Variants in MAST2 observed in about 807,000 individuals in gnomAD.
MAST2 encodes the protein microtubule associated serine/threonine kinase 2, also known as microtubule-associated serine/threonine-protein kinase 2.
In MAST2, 70 loss-of-function variants were observed where a neutral mutation model predicts 147.4. The observed-to-expected ratio is 0.47, with a 90% CI of 0.39 to 0.58. The LOEUF is 0.58. MAST2 is among the 20% of genes least tolerant of loss of function. The probability of loss-of-function intolerance (pLI) is 0.00; values close to 1 mark genes in which losing one functional copy is unlikely to be tolerated. For missense variants in MAST2, 2,080 were observed against 2,302.3 expected (o/e 0.90, Z 1.98); for synonymous variants, 869 against 896.8 (o/e 0.97, Z 0.55).
intron 4 of MAST2, 101 bp downstream of exon 4, chr1:45,882,496 C>T: frequency 1.1e-6 from 1 of 914,074 alleles, no homozygotes. Flanking sequence ...GCTCAGTACA[C>T]AATTTCTTTC....
rs942823305 is a variant in MAST2 at position 46,028,645 on chromosome 1, T to A, written c.2053-123T>A. On this transcript the variant is annotated intron_variant, in intron 17 of 28. Transcript: ENST00000361297. ...GCTTCTGTTGATCTTGTTCATTAAC[T>A]AAGGTGGGCTGAGTCTTCATTCAGA... 3 of 955,456 alleles carry A rather than the reference T, an allele frequency of 3.1e-6. No homozygotes were observed. The African/African-American group carries it at 4.9e-5, about 16-fold the overall frequency. The allele number at this position is 955,456 out of a possible 1,614,324, so 59.2% of individuals were successfully genotyped here. A position where few individuals can be genotyped will look rare whatever the true frequency, so the allele number is the denominator to read the frequency against.
chr1:46,008,873 G>C (rs540000513), intron 9 of MAST2, among the ~76,000 whole-genome samples: 1 of 152,348 alleles, frequency 6.6e-6, no homozygotes, highest in South Asian at 2.1e-4. Flanking sequence ...GAGAGCAGTA[G>C]GAGTGGGAGA....
In MAST2 at chr1:45,998,638, C is replaced by T. The variant is rs57991520; in HGVS notation, c.668+839C>T. On this transcript the variant is annotated intron_variant, in intron 6 of 28. Transcript: ENST00000361297. ...TTAGAGTTAGTCCCTGGTATAAGAC[C>T]TCCAGGAAAATTATGGTTCCAGATT... is the stretch of plus-strand genomic sequence containing the variant. Among the ~76,000 whole-genome samples the T allele has an allele frequency of 6.7e-3, 1,013 of 152,008 alleles. 12 individuals carry two copies. Among genetic ancestry groups the T allele is most frequent in the African/African-American group, 0.024 (977 of 41,462 alleles).
intron 1 of MAST2, among the ~76,000 whole-genome samples, chr1:45,805,032 A>G (rs1644097871): frequency 6.7e-6 from 1 of 149,564 alleles, no homozygotes; most frequent in Non-Finnish European, 1.5e-5. Context: ...CTCTCAGATA[A>G]ATTAGCATTT....
chr1:45,948,389 G>A (rs1263942022), intron 4 of MAST2, among the ~76,000 whole-genome samples: 2 of 152,066 alleles, frequency 1.3e-5, no homozygotes, highest in African/African-American at 4.8e-5. Context: ...ATTCTTCACA[G>A]AACTAGAAAA....
chr1:45,881,430 C>A (rs1646839226), intron 3 of MAST2, among the ~76,000 whole-genome samples: 1 of 152,078 alleles, frequency 6.6e-6, no homozygotes, highest in Non-Finnish European at 1.5e-5. Context: ...TAAAACAATA[C>A]TACTAATTTT....
intron 4 of MAST2, among the ~76,000 whole-genome samples, chr1:45,896,579 G>C (rs1467681679): frequency 6.6e-6 from 1 of 152,062 alleles, no homozygotes; most frequent in African/African-American, 2.4e-5. Context: ...CTCTCTCATG[G>C]GAGAGCCTTA....
At chr1:45,912,768 A>T (rs1651875957) in intron 4 of MAST2, among the ~76,000 whole-genome samples, 1 of 152,184 alleles carries the variant, frequency 6.6e-6, no homozygotes, top group African/African-American at 2.4e-5. Context: ...TTTTTCTCAG[A>T]TGTCTTCCTA....
Position 46,023,762 on chromosome 1 carries a change from T to G in MAST2, c.1572-10T>G, listed in dbSNP as rs1425597204. The G allele has an allele frequency of 3.1e-6, 5 of 1,613,072 alleles. No homozygotes were observed. Among genetic ancestry groups the G allele is most frequent in the Non-Finnish European group, 4.2e-6 (5 of 1,179,378 alleles). Reference sequence around the variant, plus strand: ...GGTCCATGGGGGATGGGCCGGACTTTGTTTCCCAGGGCTGTATTTCTGGTG... The same window carrying G: ...GGTCCATGGGGGATGGGCCGGACTTGGTTTCCCAGGGCTGTATTTCTGGTG... On this transcript the variant is annotated splice_polypyrimidine_tract_variant and intron_variant, in intron 14 of 28. Coordinates refer to ENST00000361297, the MANE Select transcript of MAST2 (RefSeq NM_015112.3). The surrounding 1 kb of genome is among the most constrained non-coding windows in gnomAD (Gnocchi z 4.9).
rs759271937 is a variant in MAST2 at position 46,032,198 on chromosome 1, T to C, written c.3208T>C (p.Leu1070=). 5.0e-6 allele frequency: 8 copies of C among 1,614,174 alleles called. No individual in the cohort carries two copies. The highest frequency in any genetic ancestry group is 2.7e-5 in the African/African-American group (2 of 75,060). ...IPSEHHTCSP[L]ASPMSPHSQS... ...TCCAGAACACCACACCTGCTCCCCG[T>C]TGGCCAGCCCCATGTCCCCACATTC... is the stretch of plus-strand genomic sequence containing the variant. Residue 1070 remains leucine (L), a synonymous_variant, in exon 25 of 29, where the codon TTG becomes CTG. Coordinates refer to ENST00000361297, the MANE Select transcript of MAST2 (RefSeq NM_015112.3).
intron 5 of MAST2, among the ~76,000 whole-genome samples, chr1:45,974,900 A>G (rs1338629822): frequency 6.6e-6 from 1 of 152,366 alleles, no homozygotes; most frequent in East Asian, 1.9e-4. Flanking sequence ...TGATACAGGA[A>G]TAAAATCCTT....
In MAST2 at chr1:45,815,459, C is replaced by A. The variant is rs184206807; in HGVS notation, c.178-8974C>A. On this transcript the variant is annotated intron_variant, in intron 1 of 28. Transcript: ENST00000361297. ...TGCTGGGATTACAGGTGTGAGCCAC[C>A]GTGACTGGTCAGACTTTCTATCTGT... 2.6e-5 allele frequency among the ~76,000 whole-genome samples: 4 copies of A among 152,152 alleles called. No individual in the cohort carries two copies. The East Asian group carries it at 5.8e-4, about 22-fold the overall frequency.
chr1:45,834,260 G>A (rs1309813136), intron 3 of MAST2, among the ~76,000 whole-genome samples: 5 of 152,220 alleles, frequency 3.3e-5, no homozygotes, highest in African/African-American at 1.2e-4. Context: ...AGTAACAAAA[G>A]GGGGCAAGAA....
intron 3 of MAST2, among the ~76,000 whole-genome samples, chr1:45,834,942 C>CTT (rs545789885): frequency 6.8e-6 from 1 of 146,522 alleles, no homozygotes; most frequent in African/African-American, 2.5e-5. Context: ...CATTCCCTGT[C>CTT]TTTTTTTTTT....
At chr1:45,804,168 TG>T in intron 1 of MAST2, 96 bp downstream of exon 1, 1 of 1,184,940 alleles carries the variant, frequency 8.4e-7, no homozygotes. Context: ...TTTGGAGGGG[TG>T]GGGTCTGAGT....
At chr1:45,998,478 G>A (rs1645145147) in intron 6 of MAST2, among the ~76,000 whole-genome samples, 1 of 152,228 alleles carries the variant, frequency 6.6e-6, no homozygotes, top group African/African-American at 2.4e-5. Flanking sequence ...AGAGAAAGCT[G>A]AATGAGATTA....
In MAST2 at chr1:45,920,172, T is replaced by G. The variant is rs538460202; in HGVS notation, c.500+37777T>G. Among the ~76,000 whole-genome samples the G allele has an allele frequency of 1.6e-3, 239 of 152,326 alleles. 1 individual carries two copies. The highest frequency in any genetic ancestry group is 3.0e-3 in the Non-Finnish European group (205 of 68,028). On this transcript the variant is annotated intron_variant, in intron 4 of 28. Transcript: ENST00000361297. ...ACGATTCTGGGTCCTTAGTGAGCCC[T>G]GAAGAGGGTACCTGCTCATGTTCTT...
chr1:45,913,610 G>T (rs1652003366), intron 4 of MAST2: 1 of 994,738 alleles, frequency 1.0e-6, no homozygotes, highest in Non-Finnish European at 1.2e-6. Flanking sequence ...TCTGGAACTT[G>T]TCACTGTCCC....
chr1:46,015,098 G>T (rs1256502854), intron 10 of MAST2, among the ~76,000 whole-genome samples: 1 of 151,130 alleles, frequency 6.6e-6, no homozygotes, highest in African/African-American at 2.4e-5. Flanking sequence ...CGAAATGAAG[G>T]CAGAAATAAA....
Sources: gnomAD v4.1 joint callset for allele counts (sites outside exome capture counted in the v4.1 genomes callset) on GRCh38, gnomAD v4.1.1 for gene constraint, Gnocchi (gnomAD v3.1) non-coding constraint, MANE v1.5 for transcripts, NCBI Gene and HGNC (gene_info 2026-07-23, HGNC 2026-07-21) for gene names.